Variants in TMEM202 observed in about 807,000 individuals in gnomAD.
TMEM202 encodes transmembrane protein 202.
In TMEM202, 25 loss-of-function variants were observed where a neutral mutation model predicts 26.1. The observed-to-expected ratio is 0.96, with a 90% CI of 0.70 to 1.34. TMEM202 has a LOEUF of 1.34. Ranked by LOEUF, TMEM202 falls within the 40% of genes most tolerant of loss-of-function variation. TMEM202 has a pLI of 0.00. For synonymous variants in TMEM202, 122 were observed against 119.0 expected, an observed-to-expected ratio of 1.02 and a Z score of -0.16; for missense variants, 301 against 327.7, an observed-to-expected ratio of 0.92 and a Z score of 0.63.
At chr15:72,405,002 T>A (rs528025227) in intron 2 of TMEM202, among the ~76,000 whole-genome samples, 2 of 152,334 alleles carry the variant, frequency 1.3e-5, no homozygotes, top group South Asian at 4.1e-4. Flanking sequence ...GTGGCTCACT[T>A]GTTAGGGCTA....
rs150567793 is a variant in TMEM202 at position 72,399,408 on chromosome 15, C to A, written c.337+500C>A. 4.6e-5 allele frequency among the ~76,000 whole-genome samples: 7 copies of A among 152,236 alleles called. No homozygotes were observed. The East Asian group carries it at 1.3e-3, about 29-fold the overall frequency. ...GCCTCAAGTGATCCTCCCAAAGTAC[C>A]AGGACTATAGGTGTAAGCCACCATG... On this transcript the variant is annotated intron_variant, in intron 2 of 4. Transcript: ENST00000341689.
intron 2 of TMEM202, among the ~76,000 whole-genome samples, chr15:72,405,208 G>A (rs1305903611): frequency 1.3e-5 from 2 of 152,164 alleles, no homozygotes; most frequent in African/African-American, 2.4e-5. Flanking sequence ...AGGCATATAA[G>A]TGGTTAGAGA....
At chr15:72,407,590 A>T in intron 4 of TMEM202, 101 bp from the exon 5 acceptor site, 3 of 1,046,500 alleles carry the variant, frequency 2.9e-6, no homozygotes, top group Non-Finnish European at 4.3e-6. Flanking sequence ...GTTCACTGAA[A>T]AGATGCCTCT....
intron 2 of TMEM202, among the ~76,000 whole-genome samples, chr15:72,403,861 A>T (rs2063559751): frequency 1.3e-5 from 2 of 152,226 alleles, no homozygotes; most frequent in Non-Finnish European, 2.9e-5. Flanking sequence ...AGACTCTTCT[A>T]TGCTGCACAT....
chr15:72,407,065 C>T (rs1048205305), intron 3 of TMEM202, 21 bp from the exon 4 acceptor site: 40 of 1,610,398 alleles, frequency 2.5e-5, no homozygotes, highest in Non-Finnish European at 3.4e-5. Context: ...TGGGTTGTGA[C>T]ATCTTTCCTT....
At position 72,407,880 on chromosome 15, in the gene TMEM202, G is replaced by T; in HGVS notation, c.809G>T (p.Gly270Val). Residue 270 changes from glycine to valine, a missense_variant, in exon 5 of 5, where the codon GGA (glycine) becomes GTA (valine). Gly to Val is a moderately radical substitution (Grantham distance 109). Coordinates refer to ENST00000341689, the MANE Select transcript of TMEM202 (RefSeq NM_001080462.3). ...AGAGAGAAAAATTTACCAAAGTCAG[G>T]ACTGTGGTGGTGATAGGAAAACCTA... ...SVREKNLPKS[G>V]LWW 1 of 1,613,548 alleles carries T rather than the reference G, an allele frequency of 6.2e-7. No homozygotes were observed. Among genetic ancestry groups the T allele is most frequent in the Non-Finnish European group, 8.5e-7 (1 of 1,179,932 alleles).
intron 2 of TMEM202, among the ~76,000 whole-genome samples, chr15:72,404,194 G>A (rs1169786585): frequency 3.3e-5 from 5 of 152,194 alleles, no homozygotes; most frequent in Non-Finnish European, 5.9e-5. Context: ...TGGGCAGATC[G>A]CTTGAGCTCA....
rs1327359051 is a variant in TMEM202, at chr15:72,408,250, C to T, written c.*357C>T. On this transcript the variant is annotated 3_prime_UTR_variant, in exon 5 of 5. Coordinates refer to ENST00000341689, the MANE Select transcript of TMEM202 (RefSeq NM_001080462.3). ...GTTAATTACTTCTGTTTGGAATTTT[C>T]TTTATTATGTGTGGCTTTGGGTATA... is the stretch of plus-strand genomic sequence containing the variant. Among the ~76,000 whole-genome samples, 2 of 152,124 alleles carry T rather than the reference C, an allele frequency of 1.3e-5. No individual in the cohort carries two copies. The highest frequency in any genetic ancestry group is 4.8e-5 in the African/African-American group (2 of 41,424).
intron 2 of TMEM202, among the ~76,000 whole-genome samples, chr15:72,403,318 C>A (rs1017350595): frequency 2.0e-5 from 3 of 152,104 alleles, no homozygotes; most frequent in African/African-American, 7.2e-5. Flanking sequence ...GAAAATCTTA[C>A]CAAGTTTTTC....
chr15:72,402,608 C>T (rs1249307055), intron 2 of TMEM202, among the ~76,000 whole-genome samples: 1 of 151,972 alleles, frequency 6.6e-6, no homozygotes, highest in Admixed American at 6.6e-5. Flanking sequence ...TAGAACAGAC[C>T]CTTCTGTTAT....
intron 2 of TMEM202, among the ~76,000 whole-genome samples, chr15:72,401,444 C>G (rs79072130): frequency 6.6e-6 from 1 of 151,700 alleles, no homozygotes; most frequent in Non-Finnish European, 1.5e-5. Context: ...CTTGGGAGGC[C>G]GAAGTGGAGA....
intron 2 of TMEM202, among the ~76,000 whole-genome samples, chr15:72,404,777 T>C (rs1380843783): frequency 6.6e-6 from 1 of 152,156 alleles, no homozygotes; most frequent in African/African-American, 2.4e-5. Context: ...CAGGTAGCTA[T>C]AGTCAGAGGG....
chr15:72,407,884 G>A lies in TMEM202; in HGVS notation c.813G>A (p.Leu271=), dbSNP rs763340896. The A allele has an allele frequency of 8.1e-6, 13 of 1,613,020 alleles. No individual in the cohort carries two copies. The South Asian group carries it at 1.3e-4, about 16-fold the overall frequency. ...AGAAAAATTTACCAAAGTCAGGACT[G>A]TGGTGGTGATAGGAAAACCTAACTA... ...VREKNLPKSG[L]WW is the part of the protein sequence containing the mutation. The change falls in exon 5 of 5, where the codon CTG becomes CTA. Residue 271 remains leucine (L), a synonymous_variant. Transcript: ENST00000341689.
chr15:72,407,092 G>T lies in TMEM202; in HGVS notation c.494G>T (p.Cys165Phe). The T allele has an allele frequency of 6.2e-7, 1 of 1,612,046 alleles. No individual in the cohort carries two copies. Among genetic ancestry groups the T allele is most frequent in the Non-Finnish European group, 8.5e-7 (1 of 1,179,694 alleles). ...TCTTTCCTTCTGGTCCTAGCTACCTGCTTGCTCCTCTGCCTCAACCTGTTT... is the reference window on the plus strand; with the variant it reads ...TCTTTCCTTCTGGTCCTAGCTACCTTCTTGCTCCTCTGCCTCAACCTGTTT... ...VSMLSFISAT[C>F]LLLCLNLFVA... The change falls in exon 4 of 5, where the codon TGC becomes TTC. Residue 165 changes from cysteine (C) to phenylalanine (F), a missense_variant. By Grantham distance (205) the Cys-to-Phe change is radical. Transcript: ENST00000341689.
At chr15:72,398,568 G>C (rs1595822744) in intron 1 of TMEM202, 85 bp from the exon 2 acceptor site, 1 of 1,536,312 alleles carries the variant, frequency 6.5e-7, no homozygotes, top group East Asian at 2.3e-5. Context: ...ACACACATGG[G>C]AATGCTTGAG....
chr15:72,408,212 C>G lies in TMEM202; in HGVS notation c.*319C>G, dbSNP rs1239692773. Among the ~76,000 whole-genome samples, 1 of 152,040 alleles carries G rather than the reference C, an allele frequency of 6.6e-6. No individual in the cohort carries two copies. The highest frequency in any genetic ancestry group is 1.9e-4 in the East Asian group (1 of 5,200). On this transcript the variant is annotated 3_prime_UTR_variant, in exon 5 of 5. Transcript: ENST00000341689. Reference sequence around the variant, plus strand: ...AGGGATCTCATGGACCAGAATGGCCCGTGGAGAAGAATGTTAATTACTTCT... The same window carrying G: ...AGGGATCTCATGGACCAGAATGGCCGGTGGAGAAGAATGTTAATTACTTCT...
At chr15:72,406,553 G>A in intron 2 of TMEM202, 49 bp from the exon 3 acceptor site, 2 of 1,537,806 alleles carry the variant, frequency 1.3e-6, no homozygotes, top group East Asian at 2.3e-5. Flanking sequence ...TTTAAGGGAA[G>A]GTCCCTCACT....
chr15:72,408,054 A>G lies in TMEM202; in HGVS notation c.*161A>G, dbSNP rs2063582148. On this transcript the variant is annotated 3_prime_UTR_variant, in exon 5 of 5. Coordinates refer to ENST00000341689, the MANE Select transcript of TMEM202 (RefSeq NM_001080462.3). ...CTTTTGCGTGCATTGGATCCAAAAT[A>G]TATATGATAGTCATAAAGTAAATAA... 5 of 604,964 alleles carry G rather than the reference A, an allele frequency of 8.3e-6. No individual in the cohort carries two copies. Among genetic ancestry groups the G allele is most frequent in the South Asian group, 6.2e-5 (3 of 48,312 alleles). The allele number at this position is 604,964 out of a possible 1,614,324, so 37.5% of individuals were successfully genotyped here.
Position 72,407,369 on chromosome 15 carries a change from G to A in TMEM202, c.619+152G>A, listed in dbSNP as rs1048258839. On this transcript the variant is annotated intron_variant, in intron 4 of 4. Transcript: ENST00000341689. ...AGGGGGGCATAATGAAGAAAGGGTG[G>A]ATTTTAGAGTCTGAAAACCTAGCAT... 1.1e-5 allele frequency: 11 copies of A among 999,038 alleles called. No individual in the cohort carries two copies. In the African/African-American group the frequency reaches 1.5e-4, roughly 13 times the overall value. The allele number at this position is 999,038 out of a possible 1,614,324, so 61.9% of individuals were successfully genotyped here.
Sources: gnomAD v4.1 joint callset for allele counts (sites outside exome capture counted in the v4.1 genomes callset) on GRCh38, gnomAD v4.1.1 for gene constraint, MANE v1.5 for transcripts, NCBI Gene and HGNC (gene_info 2026-07-23, HGNC 2026-07-21) for gene names.